CSPP1: variants seen among roughly 807,000 people sequenced by gnomAD.
CSPP1 encodes centrosome and spindle pole associated protein 1.
CSPP1 carries 126 observed loss-of-function variants against 164.4 expected under a neutral mutation model. The observed-to-expected ratio is 0.77, with a 90% CI of 0.66 to 0.89. The LOEUF (loss-of-function observed/expected upper bound fraction) is 0.89, where lower values mean the gene tolerates loss of function less well. Among genes scored for constraint, CSPP1 ranks in the 40% least tolerant of loss-of-function variants. The pLI is 0.00. For synonymous variants in CSPP1, 472 were observed against 476.7 expected, an observed-to-expected ratio of 0.99 and a Z score of 0.13; for missense variants, 1,395 against 1,449.8, an observed-to-expected ratio of 0.96 and a Z score of 0.61.
At chr8:67,103,809 C>T (rs1214577647) in intron 8 of CSPP1, among the ~76,000 whole-genome samples, 2 of 138,916 alleles carry the variant, frequency 1.4e-5, no homozygotes, top group Non-Finnish European at 3.0e-5. Flanking sequence ...CACTGCACTC[C>T]AGTCTGGGCA....
intron 17 of CSPP1, among the ~76,000 whole-genome samples, chr8:67,141,385 G>T (rs1823456854): frequency 6.6e-6 from 1 of 152,116 alleles, no homozygotes; most frequent in Non-Finnish European, 1.5e-5. Context: ...CTTATTTAAT[G>T]CCGTCTTCAT....
chr8:67,193,802 G>A (rs138636569), intron 30 of CSPP1, among the ~76,000 whole-genome samples, 200 bp downstream of exon 30: 1 of 152,322 alleles, frequency 6.6e-6, no homozygotes, highest in African/African-American at 2.4e-5. Flanking sequence ...TATCAGAGAG[G>A]GTGCCCATTT....
rs202184488 is a variant in CSPP1, at chr8:67,172,410, C to A, written c.2829-6C>A. The A allele has an allele frequency of 1.3e-4, 205 of 1,606,308 alleles. No homozygotes were observed. The highest frequency in any genetic ancestry group is 1.6e-4 in the Non-Finnish European group (193 of 1,174,538). Reference sequence around the variant, plus strand: ...GCACATATTATGATTTGTCATTTATCTATAGGAAAAAGGAAAGGAATCCCA... The same window carrying A: ...GCACATATTATGATTTGTCATTTATATATAGGAAAAAGGAAAGGAATCCCA... On this transcript the variant is annotated splice_polypyrimidine_tract_variant and splice_region_variant and intron_variant, in intron 24 of 30. Transcript: ENST00000678616.
intron 4 of CSPP1, among the ~76,000 whole-genome samples, chr8:67,088,621 G>C (rs1336671753): frequency 3.3e-4 from 1 of 2,994 alleles, no homozygotes; most frequent in Non-Finnish European, 8.2e-4. Flanking sequence ...TAGTCGGCCG[G>C]GGGCACGGCT....
chr8:67,160,015 TC>T (rs1261393676), intron 21 of CSPP1, among the ~76,000 whole-genome samples: 2 of 101,772 alleles, frequency 2.0e-5, no homozygotes, highest in African/African-American at 1.1e-4. Context: ...TCTTTTCTTT[TC>T]TTTTCTTTTC....
Position 67,064,467 on chromosome 8 carries a change from G to C in CSPP1, c.-82G>C, listed in dbSNP as rs778940690. ...GCGACGATCCTCTAGAGCACTGTGT[G>C]TCTCCCCGGACGCGAGCCCGCTCCC... On this transcript the variant is annotated 5_prime_UTR_variant, in exon 1 of 31. Coordinates refer to ENST00000678616, the MANE Select transcript of CSPP1 (RefSeq NM_001382391.1). 5 of 1,613,954 alleles carry C rather than the reference G, an allele frequency of 3.1e-6. No individual in the cohort carries two copies. Among genetic ancestry groups the C allele is most frequent in the Non-Finnish European group, 4.2e-6 (5 of 1,179,918 alleles).
chr8:67,195,233 T>G, intron 30 of CSPP1, 149 bp from the exon 31 acceptor site: 1 of 695,454 alleles, frequency 1.4e-6, no homozygotes, highest in African/African-American at 1.8e-5. Context: ...GTGGGGTGAG[T>G]CTAACCAAAA....
intron 17 of CSPP1, among the ~76,000 whole-genome samples, chr8:67,139,989 A>G (rs1255084156): frequency 2.6e-5 from 4 of 152,224 alleles, no homozygotes; most frequent in South Asian, 2.1e-4. Context: ...AATTTAAAGT[A>G]TAGTAATAAA....
At chr8:67,126,712 C>A (rs1364841484) in intron 15 of CSPP1, among the ~76,000 whole-genome samples, 3 of 152,268 alleles carry the variant, frequency 2.0e-5, no homozygotes, top group South Asian at 2.1e-4. Context: ...TTTCTAAATT[C>A]TCAGGAATAT....
rs182973699 is a variant in CSPP1 at position 67,142,504 on chromosome 8, T to C, written c.1975+4901T>C. 2.6e-5 allele frequency among the ~76,000 whole-genome samples: 4 copies of C among 152,322 alleles called. No individual in the cohort carries two copies. In the East Asian group the frequency reaches 7.7e-4, roughly 29 times the overall value. On this transcript the variant is annotated intron_variant, in intron 17 of 30. Coordinates refer to ENST00000678616, the MANE Select transcript of CSPP1 (RefSeq NM_001382391.1). ...TTGTTACATATGTCAGTAGCTTATT[T>C]TTTTTATTACTGAATAGTATTACAT... is the stretch of plus-strand genomic sequence containing the variant.
At chr8:67,088,141 A>G (rs1204464460) in intron 4 of CSPP1, among the ~76,000 whole-genome samples, 1 of 151,774 alleles carries the variant, frequency 6.6e-6, no homozygotes, top group Non-Finnish European at 1.5e-5. Flanking sequence ...GATATCTACC[A>G]TTTTCTCTTG....
At chr8:67,066,555 G>T (rs1662079259) in intron 1 of CSPP1, among the ~76,000 whole-genome samples, 1 of 151,862 alleles carries the variant, frequency 6.6e-6, no homozygotes, top group African/African-American at 2.4e-5. Context: ...AACACTGCTA[G>T]ATCTTTATTT....
intron 1 of CSPP1, among the ~76,000 whole-genome samples, chr8:67,070,986 G>A (rs189742469): frequency 1.9e-4 from 29 of 151,954 alleles, no homozygotes; most frequent in Middle Eastern, 6.8e-3. Flanking sequence ...GACCTCCTGC[G>A]CTCAAGTGAT....
chr8:67,080,949 T>C (rs1194547237), intron 3 of CSPP1: 1 of 152,252 alleles, frequency 6.6e-6, no homozygotes, highest in East Asian at 1.9e-4. Context: ...GAATTGTTGC[T>C]CCTTGGCTTG....
Position 67,148,957 on chromosome 8 carries a change from G to A in CSPP1, c.1976-826G>A, listed in dbSNP as rs563392118. On this transcript the variant is annotated intron_variant, in intron 17 of 30. Coordinates refer to ENST00000678616, the MANE Select transcript of CSPP1 (RefSeq NM_001382391.1). ...TAAACAGTTATTATCTTGCGGTTCT[G>A]AGGGTTAGAAATTTGTGAGTGGTTT... 4.6e-5 allele frequency among the ~76,000 whole-genome samples: 7 copies of A among 152,286 alleles called. 1 individual carries two copies. The highest frequency in any genetic ancestry group is 7.4e-5 in the Non-Finnish European group (5 of 68,024).
At position 67,172,460 on chromosome 8, in the gene CSPP1, A is replaced by G; in HGVS notation, c.2873A>G (p.His958Arg). The G allele has an allele frequency of 6.2e-7, 1 of 1,613,174 alleles. No individual in the cohort carries two copies. Residue 958 changes from histidine to arginine, a missense_variant, in exon 25 of 31, where the codon CAT becomes CGT. His to Arg is a conservative substitution (Grantham distance 29). Coordinates refer to ENST00000678616, the MANE Select transcript of CSPP1 (RefSeq NM_001382391.1). ...NPMDIFDMAR[H>R]RLQAPVRRQS... is the part of the protein sequence containing the mutation. ...ATGGATATATTTGATATGGCTAGAC[A>G]TCGGTTGCAAGCTCCTGTCAGAAGA...
chr8:67,095,623 C>T lies in CSPP1; in HGVS notation c.814C>T (p.Arg272Trp), dbSNP rs756423026. 104 of 1,612,996 alleles carry T rather than the reference C, an allele frequency of 6.4e-5. No homozygotes were observed. The highest frequency in any genetic ancestry group is 3.3e-4 in the Middle Eastern group (2 of 6,054). Residue 272 changes from arginine to tryptophan, a missense_variant, in exon 7 of 31, where the codon CGG (arginine) becomes TGG (tryptophan). By Grantham distance (101) the Arg-to-Trp change is moderately radical. Transcript: ENST00000678616. ...RFNEDRVFDR[R>W]YHRPDQDPEV... ...TAATGAGGATCGTGTTTTTGATAGA[C>T]GGTATCATAGACCAGACCAAGATCC...
intron 15 of CSPP1, among the ~76,000 whole-genome samples, chr8:67,119,808 G>A (rs1426928962): frequency 6.6e-6 from 1 of 152,018 alleles, no homozygotes; most frequent in Middle Eastern, 3.2e-3. Context: ...TCAGGTATTT[G>A]ATTTGAAAAT....
intron 1 of CSPP1, 94 bp downstream of exon 1, chr8:67,064,632 C>A (rs1018484673): frequency 1.0e-5 from 10 of 987,038 alleles, no homozygotes; most frequent in Non-Finnish European, 1.2e-5. Context: ...TCCCTCGGGG[C>A]GTAGGTCTCG....
Sources: gnomAD v4.1 joint callset for allele counts (sites outside exome capture counted in the v4.1 genomes callset) on GRCh38, gnomAD v4.1.1 for gene constraint, MANE v1.5 for transcripts, NCBI Gene and HGNC (gene_info 2026-07-23, HGNC 2026-07-21) for gene names.